TG: variants seen among roughly 807,000 people sequenced by gnomAD.
TG encodes thyroid hormones.
TG carries 270 observed loss-of-function variants against 324.7 expected under a neutral mutation model. The observed-to-expected ratio is 0.83, with a 90% CI of 0.75 to 0.92. The LOEUF is 0.92. Ranked by LOEUF, TG falls within the 40% of genes least tolerant of loss-of-function variation. The pLI is 0.00. For synonymous variants in TG, 1,401 were observed against 1,327.0 expected, an observed-to-expected ratio of 1.06 and a Z score of -1.21; for missense variants, 3,591 against 3,456.4, an observed-to-expected ratio of 1.04 and a Z score of -0.98.
intron 9 of TG, 61 bp from the exon 10 acceptor site, chr8:132,887,923 T>C: frequency 6.8e-7 from 1 of 1,480,144 alleles, no homozygotes; most frequent in Admixed American, 1.9e-5. Flanking sequence ...TGGTTTTATC[T>C]TGGTCTTTCC....
At chr8:132,964,282 C>G (rs1828209668) in intron 29 of TG, among the ~76,000 whole-genome samples, 1 of 152,128 alleles carries the variant, frequency 6.6e-6, no homozygotes. Flanking sequence ...TCCCTCTCCC[C>G]TAGAAGGGGA....
At position 132,935,878 on chromosome 8, in the gene TG, G is replaced by A; in HGVS notation, c.5041+14G>A. 6.2e-7 allele frequency: 1 copy of A among 1,609,372 alleles called. No individual in the cohort carries two copies. Among genetic ancestry groups the A allele is most frequent in the Non-Finnish European group, 8.5e-7 (1 of 1,177,586 alleles). On this transcript the variant is annotated intron_variant, in intron 25 of 47. Transcript: ENST00000220616. ...ATTTGAAAAAGGGTAGGTTGGTCAG[G>A]CTGGTTGGCTTAGGCCCGCGGTGGC...
At position 133,019,682 on chromosome 8, in the gene TG, T is replaced by C; in HGVS notation, c.6863T>C (p.Ile2288Thr). The C allele has an allele frequency of 6.2e-7, 1 of 1,613,114 alleles. No individual in the cohort carries two copies. Among genetic ancestry groups the C allele is most frequent in the Non-Finnish European group, 8.5e-7 (1 of 1,179,366 alleles). ...SEDCLYLNVF[I>T]PQNVAPNASV... ...GATTGTTTGTATCTCAATGTGTTCA[T>C]CCCTCAGAATGTGGTGAGTTCAAAA... Residue 2288 changes from isoleucine to threonine, a missense_variant, in exon 39 of 48, where the codon ATC becomes ACC. Transcript: ENST00000220616.
chr8:132,995,479 A>G, intron 35 of TG: 3 of 985,334 alleles, frequency 3.0e-6, no homozygotes, highest in Non-Finnish European at 3.6e-6. Flanking sequence ...TCAGCACCCC[A>G]AAGGAGGCCT....
At chr8:133,081,770 C>G (rs576745888) in intron 41 of TG, among the ~76,000 whole-genome samples, 2 of 152,164 alleles carry the variant, frequency 1.3e-5, no homozygotes, top group African/African-American at 2.4e-5. Context: ...CAGCAGTGTT[C>G]CCAGAGGTTG....
intron 1 of TG, among the ~76,000 whole-genome samples, chr8:132,867,604 C>G (rs1259469818): frequency 6.6e-6 from 1 of 151,278 alleles, no homozygotes. Context: ...GGGTAGGACC[C>G]TATGTGTTAC....
intron 41 of TG, chr8:133,038,789 G>A: frequency 8.1e-7 from 1 of 1,235,126 alleles, no homozygotes; most frequent in African/African-American, 1.5e-5. Flanking sequence ...GAGAGTCATA[G>A]AGAGAGGAGG....
intron 27 of TG, among the ~76,000 whole-genome samples, chr8:132,957,608 A>G (rs1485470614): frequency 2.0e-5 from 3 of 152,086 alleles, no homozygotes; most frequent in African/African-American, 7.2e-5. Context: ...GAGACTGCTG[A>G]GAGGTAAAGA....
intron 43 of TG, among the ~76,000 whole-genome samples, chr8:133,111,761 G>A (rs1488681369): frequency 2.0e-5 from 3 of 152,264 alleles, no homozygotes; most frequent in Admixed American, 6.5e-5. Flanking sequence ...TTTAAAAGTC[G>A]CTGATATGAT....
chr8:133,033,435 G>T (rs1836812946), intron 41 of TG, among the ~76,000 whole-genome samples: 1 of 152,178 alleles, frequency 6.6e-6, no homozygotes, highest in African/African-American at 2.4e-5. Flanking sequence ...GGAAGGTCAT[G>T]TCCTCTGTGG....
intron 37 of TG, among the ~76,000 whole-genome samples, chr8:133,014,978 C>T (rs891031792): frequency 9.2e-5 from 14 of 152,142 alleles, no homozygotes; most frequent in South Asian, 2.1e-4. Flanking sequence ...CTCTGCCCCC[C>T]GGGTTCAAGC....
intron 16 of TG, among the ~76,000 whole-genome samples, chr8:132,906,304 C>T: frequency 6.6e-6 from 1 of 151,988 alleles, no homozygotes; most frequent in Non-Finnish European, 1.5e-5. Flanking sequence ...GGTACTGATC[C>T]TTGTGCCTGG....
intron 41 of TG, among the ~76,000 whole-genome samples, chr8:133,080,644 T>C (rs1845605800): frequency 6.6e-6 from 1 of 152,086 alleles, no homozygotes. Context: ...CATTCAAAGC[T>C]CATCAATCTG....
rs34669143 is a variant in TG, at chr8:132,972,576, GT to G, written c.6056-10del. On this transcript the variant is annotated intron_variant, in intron 33 of 47. Transcript: ENST00000220616. The stretch of plus-strand genomic sequence containing the variant: ...CTCAGTTTCCTGATTGTGGTTTTTT[GT>G]TTTTTTTTTTTCCACCCCAGGAGGA... The G allele has an allele frequency of 2.8e-3, 4,060 of 1,451,562 alleles. 3 individuals are homozygous for G. The highest frequency in any genetic ancestry group is 0.021 in the East Asian group (747 of 34,974). The allele number at this position is 1,451,562 out of a possible 1,614,324, so 89.9% of individuals were successfully genotyped here.
At chr8:132,893,559 ATGTGTGTGGTG>A (rs1816652971) in intron 10 of TG, 120 bp from the exon 11 acceptor site, 3 of 1,130,996 alleles carry the variant, frequency 2.7e-6, no homozygotes, top group Non-Finnish European at 2.5e-6. Flanking sequence ...GGTGGTGTGT[ATGTGTGTGGTG>A]TGTGTGTGTG....
chr8:133,042,259 C>T (rs1218995226), intron 41 of TG, among the ~76,000 whole-genome samples: 1 of 152,220 alleles, frequency 6.6e-6, no homozygotes, highest in Non-Finnish European at 1.5e-5. Flanking sequence ...CTCTTGGGTT[C>T]AGACCCCCTG....
chr8:133,033,508 T>C (rs1836820808), intron 41 of TG, among the ~76,000 whole-genome samples: 1 of 152,218 alleles, frequency 6.6e-6, no homozygotes, highest in South Asian at 2.1e-4. Context: ...CAAGTCTGCA[T>C]TCCTCAGGGT....
intron 8 of TG, 41 bp downstream of exon 8, chr8:132,883,040 A>G (rs1002260061): frequency 1.2e-6 from 2 of 1,601,396 alleles, no homozygotes; most frequent in Non-Finnish European, 1.7e-6. Flanking sequence ...GCCTCGGATC[A>G]TATTACTTTG....
At chr8:133,044,880 G>T in intron 41 of TG, 1 of 1,109,044 alleles carries the variant, frequency 9.0e-7, no homozygotes, top group Non-Finnish European at 1.4e-6. Context: ...AGGCAGCATA[G>T]GCAGTAAGCA....
Sources: allele counts gnomAD v4.1 joint callset (sites outside exome capture counted in the v4.1 genomes callset), GRCh38; gene constraint gnomAD v4.1.1; transcripts MANE v1.5; gene names NCBI Gene and HGNC (gene_info 2026-07-23, HGNC 2026-07-21).